Variants in POLR1C observed in about 807,000 individuals in gnomAD.
POLR1C encodes DNA-directed RNA polymerases I and III subunit RPAC1.
POLR1C carries 42 observed loss-of-function variants against 38.3 expected under a neutral mutation model. That is an observed-to-expected ratio of 1.10 (90% CI 0.86 to 1.42). POLR1C has a LOEUF of 1.42. Among genes scored for constraint, POLR1C ranks in the 40% most tolerant of loss-of-function variants. The pLI, the probability that POLR1C is intolerant of heterozygous loss-of-function variation, is 0.00. For missense variants in POLR1C, 507 were observed against 450.5 expected (o/e 1.13, Z -1.14); for synonymous variants, 163 against 163.9 (o/e 0.99, Z 0.04).
At chr6:43,559,775 T>A (rs1762308882) in intron 10 of POLR1C, among the ~76,000 whole-genome samples, 1 of 152,150 alleles carries the variant, frequency 6.6e-6, no homozygotes. Flanking sequence ...AGTAAAGGAA[T>A]CTTAGTGATG....
At chr6:43,558,103 AAAAC>A (rs1243647373) in intron 10 of POLR1C, among the ~76,000 whole-genome samples, 1 of 152,096 alleles carries the variant, frequency 6.6e-6, no homozygotes, top group African/African-American at 2.4e-5. Flanking sequence ...CTCAAAAAAA[AAAAC>A]AAACAAAAAG....
At chr6:43,530,654 C>G (rs1437940538), downstream of POLR1C, 1 of 1,604,694 alleles carries the variant, frequency 6.2e-7, no homozygotes, top group Non-Finnish European at 8.5e-7. Flanking sequence ...ATTTTCTGAC[C>G]TTTTGGGTTA....
At chr6:43,530,129 C>T (rs577257667), downstream of POLR1C, among the ~76,000 whole-genome samples, 10 of 152,174 alleles carry the variant, frequency 6.6e-5, 1 homozygote, top group South Asian at 2.1e-3. Context: ...TAGTAGCATG[C>T]GCCTGTAATC....
intron 8 of POLR1C, chr6:43,526,588 T>G: frequency 1.4e-6 from 2 of 1,384,828 alleles, no homozygotes; most frequent in Non-Finnish European, 2.0e-6. Context: ...GTAGGGTGTC[T>G]TCTCCTCACC....
chr6:43,522,704 G>T (rs2127694581), downstream of POLR1C: 1 of 499,868 alleles, frequency 2.0e-6, no homozygotes. Flanking sequence ...TCGGCTCTCG[G>T]GGAAACCCTC....
chr6:43,538,046 G>A (rs1582209848), intron 9 of POLR1C, among the ~76,000 whole-genome samples: 1 of 128,098 alleles, frequency 7.8e-6, no homozygotes, highest in Middle Eastern at 5.6e-3. Flanking sequence ...GATAGCACCA[G>A]TGCACTCCAG....
chr6:43,561,068 A>G, intron 10 of POLR1C: 1 of 1,351,156 alleles, frequency 7.4e-7, no homozygotes, highest in Non-Finnish European at 1.1e-6. Context: ...AGGAAAAAGC[A>G]GGGAAGTAAT....
chr6:43,558,698 T>C, intron 10 of POLR1C: 1 of 786,360 alleles, frequency 1.3e-6, no homozygotes, highest in Non-Finnish European at 2.0e-6. Flanking sequence ...AGTTAAGCGT[T>C]TGCATGAGAT....
At chr6:43,530,564 TTAGA>T (rs1793905438), downstream of POLR1C, 1 of 1,183,698 alleles carries the variant, frequency 8.4e-7, no homozygotes, top group African/African-American at 1.5e-5. Flanking sequence ...CATGATACAC[TTAGA>T]TACATAATCT....
intron 6 of POLR1C, 64 bp downstream of exon 6, chr6:43,520,491 A>G: frequency 6.2e-7 from 1 of 1,602,136 alleles, no homozygotes; most frequent in Non-Finnish European, 8.5e-7. Flanking sequence ...CAAGCTGACT[A>G]GGGAACTCAG....
In POLR1C at chr6:43,519,901, GT is replaced by G; in HGVS notation, c.382+65del. 2.5e-6 allele frequency: 4 copies of G among 1,570,848 alleles called. No individual in the cohort carries two copies. In the Middle Eastern group the frequency reaches 6.7e-4, roughly 263 times the overall value. On this transcript the variant is annotated intron_variant, in intron 4 of 8. Coordinates refer to ENST00000642195, the MANE Select transcript of POLR1C (RefSeq NM_203290.4). ...GGTTCAAATCCTGGTTGACTGTGAT[GT>G]TGGGTAAGTTACTTATCTTTGTACA...
chr6:43,541,489 T>A (rs898334196), intron 9 of POLR1C, among the ~76,000 whole-genome samples: 2 of 152,242 alleles, frequency 1.3e-5, no homozygotes, highest in African/African-American at 4.8e-5. Context: ...TTTAATACTT[T>A]CAAAGGGTTG....
At chr6:43,524,087 G>C (rs1021336538), downstream of POLR1C, 1 of 1,532,308 alleles carries the variant, frequency 6.5e-7, no homozygotes, top group Non-Finnish European at 8.7e-7. Context: ...GCAGTGGCTC[G>C]CGCCTGTAAT....
At chr6:43,525,992 G>A (rs780075806), downstream of POLR1C, 10 of 1,564,910 alleles carry the variant, frequency 6.4e-6, no homozygotes, top group South Asian at 1.1e-5. Flanking sequence ...TCTGACAGAA[G>A]CGCAAAAAAC....
chr6:43,545,542 A>C (rs1794922223), intron 9 of POLR1C, among the ~76,000 whole-genome samples: 1 of 152,102 alleles, frequency 6.6e-6, no homozygotes, highest in African/African-American at 2.4e-5. Flanking sequence ...CCCTGTCTCT[A>C]CTAAAAATAC....
exon 9 of POLR1C, chr6:43,529,468 G>A (rs1793819646): frequency 3.3e-6 from 1 of 304,894 alleles, no homozygotes; most frequent in Non-Finnish European, 6.3e-6. Flanking sequence ...GCAAGAGAAT[G>A]GTGTGAACCT....
downstream of POLR1C, chr6:43,524,784 G>C (rs1341973573): frequency 6.2e-7 from 1 of 1,604,882 alleles, no homozygotes. Flanking sequence ...GGAGCAGACT[G>C]AGTGATGAAG....
chr6:43,534,835 T>TA (rs1245500557), intron 9 of POLR1C, among the ~76,000 whole-genome samples: 1 of 151,930 alleles, frequency 6.6e-6, no homozygotes, highest in Non-Finnish European at 1.5e-5. Context: ...CTGTCTCTAC[T>TA]AAAAATATAA....
exon 9 of POLR1C, chr6:43,529,496 G>A: frequency 3.6e-6 from 1 of 274,370 alleles, no homozygotes. Flanking sequence ...GAAGCTTGCA[G>A]TGAGCCGAGA....
Sources: allele counts gnomAD v4.1 joint callset (sites outside exome capture counted in the v4.1 genomes callset), GRCh38; gene constraint gnomAD v4.1.1; transcripts MANE v1.5; gene names NCBI Gene and HGNC (gene_info 2026-07-23, HGNC 2026-07-21).